Variants in XIRP2 observed in about 807,000 individuals in gnomAD.
XIRP2 encodes the protein xin actin-binding repeat-containing protein 2.
XIRP2 carries 236 observed loss-of-function variants against 277.0 expected under a neutral mutation model. The ratio of observed to expected loss-of-function variants is 0.85; its 90% confidence interval spans 0.77 to 0.95. The LOEUF (loss-of-function observed/expected upper bound fraction) is 0.95. Among genes scored for constraint, XIRP2 ranks in the 40% least tolerant of loss-of-function variants. The probability of loss-of-function intolerance (pLI) is 0.00; values close to 1 mark genes in which losing one functional copy is unlikely to be tolerated. For missense variants in XIRP2, 4,640 were observed against 4,157.5 expected (o/e 1.12, Z -3.19); for synonymous variants, 1,490 against 1,416.5 (o/e 1.05, Z -1.17).
At chr2:167,015,555 T>C (rs1474271714) in intron 2 of XIRP2, among the ~76,000 whole-genome samples, 2 of 151,770 alleles carry the variant, frequency 1.3e-5, no homozygotes, top group Non-Finnish European at 2.9e-5. Flanking sequence ...TAAATAAATT[T>C]CTTAAAGTCA....
At chr2:167,063,929 T>C (rs1048674588) in intron 2 of XIRP2, among the ~76,000 whole-genome samples, 4 of 151,658 alleles carry the variant, frequency 2.6e-5, no homozygotes, top group African/African-American at 9.7e-5. Flanking sequence ...AGTCTAAATA[T>C]CTATATTAGT....
At chr2:167,099,554 G>A (rs1009256095) in intron 2 of XIRP2, among the ~76,000 whole-genome samples, 5 of 135,294 alleles carry the variant, frequency 3.7e-5, no homozygotes, top group African/African-American at 1.4e-4. Flanking sequence ...CACCACTGGG[G>A]TATGAAAAAA....
intron 10 of XIRP2, among the ~76,000 whole-genome samples, chr2:167,255,244 A>G (rs1695624702): frequency 6.6e-6 from 1 of 151,766 alleles, no homozygotes; most frequent in South Asian, 2.1e-4. Flanking sequence ...GCTAGGCCAA[A>G]TCTCTCTGTG....
At chr2:167,152,093 G>A (rs1692033137) in intron 3 of XIRP2, among the ~76,000 whole-genome samples, 1 of 152,100 alleles carries the variant, frequency 6.6e-6, no homozygotes, top group African/African-American at 2.4e-5. Context: ...CTGTGTACTT[G>A]TGTTTCAGAT....
chr2:167,169,253 G>A (rs777805468), intron 3 of XIRP2, among the ~76,000 whole-genome samples: 1 of 152,008 alleles, frequency 6.6e-6, no homozygotes, highest in Non-Finnish European at 1.5e-5. Context: ...CACCAAAAAC[G>A]TGAGGTGACT....
At chr2:167,201,238 GAAAGAAAGAAAGAA>G (rs1260198704) in intron 3 of XIRP2, among the ~76,000 whole-genome samples, 1 of 99,128 alleles carries the variant, frequency 1.0e-5, no homozygotes, top group Non-Finnish European at 1.8e-5. Flanking sequence ...AAGAAAGAAA[GAAAGAAAGAAAGAA>G]AGAAAGAAAG....
At chr2:167,146,492 C>G (rs1170247247) in intron 3 of XIRP2, among the ~76,000 whole-genome samples, 2 of 147,700 alleles carry the variant, frequency 1.4e-5, no homozygotes. Context: ...CAGAACAAGA[C>G]TCTGTCTCAA....
intron 2 of XIRP2, among the ~76,000 whole-genome samples, chr2:167,082,608 T>C (rs1689771173): frequency 6.6e-6 from 1 of 152,232 alleles, no homozygotes; most frequent in South Asian, 2.1e-4. Context: ...CCAGCACCTA[T>C]TGTTTCCTGA....
rs74691561 is a variant in XIRP2 at position 167,237,919 on chromosome 2, C to T, written c.859-1936C>T. ...TGCCCATGCATTTTTTTTATATCTGCAGTTGTCAATGATTGTTATTGCTGT... is the reference window on the plus strand; with the variant it reads ...TGCCCATGCATTTTTTTTATATCTGTAGTTGTCAATGATTGTTATTGCTGT... On this transcript the variant is annotated intron_variant, in intron 5 of 10. Transcript: ENST00000409195. 1.7e-3 allele frequency among the ~76,000 whole-genome samples: 259 copies of T among 152,228 alleles called. 12 individuals are homozygous for T. In the East Asian group the frequency reaches 0.048, roughly 28 times the overall value.
At chr2:167,046,349 A>T (rs1688787251) in intron 2 of XIRP2, among the ~76,000 whole-genome samples, 2 of 151,860 alleles carry the variant, frequency 1.3e-5, no homozygotes, top group African/African-American at 4.8e-5. Context: ...TTTGTCATAG[A>T]TGGCTGTTAT....
chr2:167,036,353 C>A lies in XIRP2; in HGVS notation c.409-99556C>A, dbSNP rs1404281696. Among the ~76,000 whole-genome samples, 5 of 152,162 alleles carry A rather than the reference C, an allele frequency of 3.3e-5. No individual in the cohort carries two copies. In the East Asian group the frequency reaches 7.7e-4, roughly 23 times the overall value. On this transcript the variant is annotated intron_variant, in intron 2 of 10. Coordinates refer to ENST00000409195, the MANE Select transcript of XIRP2 (RefSeq NM_152381.6). ...CCTGCAAAAGCACAGGGATAGAGCTCCCCAAGACCATGGGAATCCACCTCT... is the reference window on the plus strand; with the variant it reads ...CCTGCAAAAGCACAGGGATAGAGCTACCCAAGACCATGGGAATCCACCTCT...
At chr2:167,030,159 A>G (rs191702438) in intron 2 of XIRP2, among the ~76,000 whole-genome samples, 1 of 152,250 alleles carries the variant, frequency 6.6e-6, no homozygotes, top group African/African-American at 2.4e-5. Context: ...TTTTCAAAAA[A>G]CAAGCTGCTG....
chr2:166,888,820 G>C (rs932669318), intron 1 of XIRP2, among the ~76,000 whole-genome samples: 1 of 152,126 alleles, frequency 6.6e-6, no homozygotes, highest in East Asian at 1.9e-4. Flanking sequence ...AATGTGCCCA[G>C]AGAAAAAATA....
rs13401523 is a variant in XIRP2, at chr2:167,082,336, G to A, written c.409-53573G>A. Among the ~76,000 whole-genome samples, 28 of 151,904 alleles carry A rather than the reference G, an allele frequency of 1.8e-4. 1 individual carries two copies. In the East Asian group the frequency reaches 2.7e-3, roughly 15 times the overall value. On this transcript the variant is annotated intron_variant, in intron 2 of 10. Coordinates refer to ENST00000409195, the MANE Select transcript of XIRP2 (RefSeq NM_152381.6). ...TATATGTGCCACATTTTCTTAATCC[G>A]GTCTATCATTGTTGGGCATTTGGGT...
chr2:166,970,269 T>C lies in XIRP2; in HGVS notation c.408+66379T>C, dbSNP rs192295239. On this transcript the variant is annotated intron_variant, in intron 2 of 10. Coordinates refer to ENST00000409195, the MANE Select transcript of XIRP2 (RefSeq NM_152381.6). Reference sequence around the variant, plus strand: ...CATGAATAATCTAAAATGATTTGACTTGCCATTTAGGAATGGGTTTTAACA... The same window carrying C: ...CATGAATAATCTAAAATGATTTGACCTGCCATTTAGGAATGGGTTTTAACA... Among the ~76,000 whole-genome samples the C allele has an allele frequency of 1.5e-3, 234 of 152,176 alleles. 2 individuals carry two copies. Among genetic ancestry groups the C allele is most frequent in the African/African-American group, 5.3e-3 (219 of 41,552 alleles).
At chr2:167,083,199 G>A (rs1406411811) in intron 2 of XIRP2, among the ~76,000 whole-genome samples, 2 of 152,140 alleles carry the variant, frequency 1.3e-5, no homozygotes, top group South Asian at 2.1e-4. Flanking sequence ...ATTAAATAGG[G>A]AATCCTTTCC....
chr2:167,225,210 T>C (rs1694556709), intron 5 of XIRP2, among the ~76,000 whole-genome samples: 1 of 152,122 alleles, frequency 6.6e-6, no homozygotes, highest in Admixed American at 6.6e-5. Flanking sequence ...AGTGGCAAGA[T>C]ACTACTGAAA....
intron 3 of XIRP2, among the ~76,000 whole-genome samples, chr2:167,137,556 A>AT (rs778945879): frequency 1.5e-4 from 23 of 152,304 alleles, no homozygotes; most frequent in Non-Finnish European, 2.5e-4. Flanking sequence ...CACTCATCAC[A>AT]TCTTACTTCT....
At chr2:167,214,629 C>T (rs191143835) in intron 4 of XIRP2, among the ~76,000 whole-genome samples, 1 of 151,852 alleles carries the variant, frequency 6.6e-6, no homozygotes, top group East Asian at 2.0e-4. Flanking sequence ...TGCAGTGGCA[C>T]AATCTCGGCT....
Sources: allele counts gnomAD v4.1 joint callset (sites outside exome capture counted in the v4.1 genomes callset), GRCh38; gene constraint gnomAD v4.1.1; transcripts MANE v1.5; gene names NCBI Gene and HGNC (gene_info 2026-07-23, HGNC 2026-07-21).